The following GRIP1 variants were observed in gnomAD, a reference collection of about 807,000 sequenced individuals.
GRIP1 encodes glutamate receptor-interacting protein 1.
In GRIP1, 45 loss-of-function variants were observed where a neutral mutation model predicts 129.9. The observed-to-expected ratio is 0.35, with a 90% CI of 0.27 to 0.44. The LOEUF is 0.44. GRIP1 is among the 20% of genes least tolerant of loss of function. GRIP1 has a pLI of 1.00. For missense variants in GRIP1, 1,196 were observed against 1,396.8 expected, an observed-to-expected ratio of 0.86 and a Z score of 2.29; for synonymous variants, 530 against 520.8, an observed-to-expected ratio of 1.02 and a Z score of -0.24.
intron 1 of GRIP1, among the ~76,000 whole-genome samples, chr12:66,668,043 C>T (rs563307753): frequency 1.3e-4 from 20 of 152,286 alleles, no homozygotes; most frequent in African/African-American, 4.6e-4. Flanking sequence ...TCCTTTTCTC[C>T]TATTTTTAGA....
chr12:66,870,496 A>G (rs946126334), intron 1 of GRIP1, among the ~76,000 whole-genome samples: 1 of 152,124 alleles, frequency 6.6e-6, no homozygotes, highest in African/African-American at 2.4e-5. Context: ...GAGAATATCA[A>G]TATAGTCTGA....
rs192739695 is a variant in GRIP1 at position 66,541,880 on chromosome 12, C to T, written c.207G>A (p.Ser69=). 2.0e-4 allele frequency: 321 copies of T among 1,613,968 alleles called. 2 individuals are homozygous for T. The highest frequency in any genetic ancestry group is 1.1e-3 in the African/African-American group (84 of 75,040). The change falls in exon 3 of 25, where the codon TCG becomes TCA. Residue 69 remains serine (S), a synonymous_variant. Transcript: ENST00000359742. Reference sequence around the variant, plus strand: ...GCTTGCCATCCTTATCAATTCCTCCCGATACCGTCAGACCCAGGGTAGTGC... The same window carrying T: ...GCTTGCCATCCTTATCAATTCCTCCTGATACCGTCAGACCCAGGGTAGTGC... ...KEGTTLGLTV[S]GGIDKDGKPR...
intron 1 of GRIP1, among the ~76,000 whole-genome samples, chr12:67,009,716 T>A (rs532079781): frequency 6.6e-6 from 1 of 152,138 alleles, no homozygotes; most frequent in Non-Finnish European, 1.5e-5. Context: ...AGACAAATCA[T>A]AGGACTCAAT....
At chr12:66,546,202 G>C (rs11176254) in intron 2 of GRIP1, among the ~76,000 whole-genome samples, 48,277 of 152,076 alleles carry the variant, frequency 0.32, 7,802 homozygotes, top group East Asian at 0.42. Context: ...TAAAGACTGT[G>C]TGGTAGGCCA....
At chr12:66,692,183 A>G (rs1283060726) in intron 1 of GRIP1, among the ~76,000 whole-genome samples, 3 of 152,188 alleles carry the variant, frequency 2.0e-5, no homozygotes, top group Non-Finnish European at 4.4e-5. Context: ...GCATGCTCCC[A>G]TGTCATAATC....
intron 7 of GRIP1, among the ~76,000 whole-genome samples, chr12:66,483,143 A>G (rs763059708): frequency 1.3e-5 from 2 of 152,150 alleles, no homozygotes; most frequent in Non-Finnish European, 2.9e-5. Context: ...GTGCATGGTA[A>G]TATCAACTTT....
At chr12:66,761,207 A>G (rs1266614287) in intron 1 of GRIP1, among the ~76,000 whole-genome samples, 3 of 151,916 alleles carry the variant, frequency 2.0e-5, no homozygotes, top group Non-Finnish European at 4.4e-5. Flanking sequence ...CCCAAGCATC[A>G]CTACAGACAA....
chr12:66,675,936 C>T (rs949564110), intron 1 of GRIP1, among the ~76,000 whole-genome samples: 1 of 152,086 alleles, frequency 6.6e-6, no homozygotes, highest in African/African-American at 2.4e-5. Context: ...TGGCTTGAAA[C>T]ATTAATAAGA....
At chr12:66,611,977 T>C (rs1335218893) in intron 1 of GRIP1, among the ~76,000 whole-genome samples, 1 of 152,182 alleles carries the variant, frequency 6.6e-6, no homozygotes, top group Non-Finnish European at 1.5e-5. Flanking sequence ...CATAAAATAT[T>C]TGAAACTTGG....
chr12:66,952,147 G>A (rs749704248), intron 1 of GRIP1, among the ~76,000 whole-genome samples: 1 of 152,094 alleles, frequency 6.6e-6, no homozygotes, highest in Non-Finnish European at 1.5e-5. Context: ...AAAGAAAGAA[G>A]CAACGGGATT....
At chr12:66,623,049 C>T (rs1190941323) in intron 1 of GRIP1, among the ~76,000 whole-genome samples, 2 of 152,112 alleles carry the variant, frequency 1.3e-5, no homozygotes, top group Non-Finnish European at 2.9e-5. Flanking sequence ...TCCTCAGTAT[C>T]TAGAATACTT....
intron 15 of GRIP1, among the ~76,000 whole-genome samples, chr12:66,409,915 A>T (rs1156269363): frequency 6.6e-6 from 1 of 152,238 alleles, no homozygotes; most frequent in Non-Finnish European, 1.5e-5. Flanking sequence ...ACACTAAAAA[A>T]ATGCATCAGA....
At chr12:66,664,626 G>A (rs762320412) in intron 1 of GRIP1, among the ~76,000 whole-genome samples, 1 of 151,816 alleles carries the variant, frequency 6.6e-6, no homozygotes. Context: ...ATTATAATTG[G>A]GTATCTTGAT....
At chr12:67,066,879 A>AATATACATATATATATAT (rs1555170027) in intron 1 of GRIP1, among the ~76,000 whole-genome samples, 13 of 43,974 alleles carry the variant, frequency 3.0e-4, no homozygotes, top group African/African-American at 7.0e-4. Flanking sequence ...GCTCAGTTTA[A>AATATACATATATATATAT]ATATATATTT....
intron 23 of GRIP1, among the ~76,000 whole-genome samples, chr12:66,370,724 A>T (rs1281031384): frequency 6.6e-6 from 1 of 152,152 alleles, no homozygotes; most frequent in Non-Finnish European, 1.5e-5. Flanking sequence ...AGGAAACTAG[A>T]CCTCCATTGC....
chr12:66,635,362 T>G (rs1592680516), intron 1 of GRIP1, among the ~76,000 whole-genome samples: 1 of 151,782 alleles, frequency 6.6e-6, no homozygotes, highest in East Asian at 1.9e-4. Flanking sequence ...AGTTCAAGGT[T>G]ACAGCAAACT....
intron 1 of GRIP1, among the ~76,000 whole-genome samples, chr12:66,963,132 G>T (rs547843659): frequency 6.6e-6 from 1 of 151,964 alleles, no homozygotes; most frequent in Non-Finnish European, 1.5e-5. Context: ...CAACATGGTG[G>T]GACCCCACCT....
chr12:66,567,496 G>A (rs1274398955), intron 2 of GRIP1: 1 of 152,164 alleles, frequency 6.6e-6, no homozygotes, highest in Non-Finnish European at 1.5e-5. Context: ...AATCAAATTA[G>A]AACTCAGGAT....
At chr12:66,719,777 C>T (rs952529128) in intron 1 of GRIP1, among the ~76,000 whole-genome samples, 2 of 152,056 alleles carry the variant, frequency 1.3e-5, no homozygotes, top group Non-Finnish European at 2.9e-5. Context: ...GGCAGTGATG[C>T]AAGAATTAAA....
Sources: allele counts gnomAD v4.1 joint callset (sites outside exome capture counted in the v4.1 genomes callset), GRCh38; gene constraint gnomAD v4.1.1; transcripts MANE v1.5; gene names NCBI Gene and HGNC (gene_info 2026-07-23, HGNC 2026-07-21).